ABCC1: variants seen among roughly 807,000 people sequenced by gnomAD.
ABCC1 encodes the protein multidrug resistance-associated protein 1.
Under a neutral mutation model 172.9 loss-of-function variants are expected in ABCC1, and 83 were observed. That is an observed-to-expected ratio of 0.48 (90% CI 0.40 to 0.58). The LOEUF is 0.58. Ranked by LOEUF, ABCC1 falls within the 20% of genes least tolerant of loss-of-function variation. The pLI, the probability that ABCC1 is intolerant of heterozygous loss-of-function variation, is 0.00. For synonymous variants in ABCC1, 937 were observed against 825.2 expected (o/e 1.14, Z -2.32); for missense variants, 1,817 against 2,002.7 (o/e 0.91, Z 1.77).
chr16:15,983,546 AC>A (rs941126297), intron 1 of ABCC1, among the ~76,000 whole-genome samples: 2 of 123,892 alleles, frequency 1.6e-5, no homozygotes, highest in Admixed American at 9.2e-5. Flanking sequence ...CTAATGGTAC[AC>A]CACACTTTTT....
chr16:16,136,796 A>G lies in ABCC1; in HGVS notation c.4292+152A>G, dbSNP rs2045933319. On this transcript the variant is annotated intron_variant, in intron 29 of 30. Transcript: ENST00000399410. ...CACCTCTTGGAGCCTCAGTTTCTGT[A>G]TCTGTAAAACGGGTCTCAATCCAGG... 7.5e-6 allele frequency: 7 copies of G among 933,894 alleles called. No individual in the cohort carries two copies. In the South Asian group the frequency reaches 1.1e-4, roughly 14 times the overall value. The allele number at this position is 933,894 out of a possible 1,614,324, so 57.9% of individuals were successfully genotyped here.
intron 1 of ABCC1, among the ~76,000 whole-genome samples, chr16:15,994,287 G>A (rs1483487254): frequency 6.6e-6 from 1 of 152,118 alleles, no homozygotes; most frequent in African/African-American, 2.4e-5. Flanking sequence ...TTTAGAGGTG[G>A]TGGATCTCAG....
chr16:16,098,965 CTG>C, intron 19 of ABCC1: 1 of 1,308,646 alleles, frequency 7.6e-7, no homozygotes, highest in Non-Finnish European at 1.0e-6. Flanking sequence ...CGGGCCGAGA[CTG>C]TCGCTGCATG....
chr16:16,014,689 C>T (rs989285380), intron 4 of ABCC1, 61 bp downstream of exon 4: 2 of 1,594,340 alleles, frequency 1.3e-6, no homozygotes, highest in Admixed American at 3.4e-5. Flanking sequence ...GATGCTGGGT[C>T]CCTCTGGCTT....
chr16:16,139,633 AAG>A (rs71137918), intron 30 of ABCC1, among the ~76,000 whole-genome samples: 1 of 151,590 alleles, frequency 6.6e-6, no homozygotes, highest in East Asian at 1.9e-4. Flanking sequence ...AAAAAAAAAA[AAG>A]AATATAATCC....
chr16:16,046,020 G>GGC lies in ABCC1; in HGVS notation c.1218+7_1218+8insGC, dbSNP rs2049193635. 1 of 1,613,726 alleles carries GGC rather than the reference G, an allele frequency of 6.2e-7. No individual in the cohort carries two copies. ...TGGGGCTGTCTATCGGAAGGTAGGG[G>GGC]ACGCTGTGCCATTGGCATGTGGCCC... On this transcript the variant is annotated splice_region_variant and intron_variant, in intron 9 of 30. Transcript: ENST00000399410.
At chr16:16,106,268 C>T (rs551411611) in intron 20 of ABCC1, among the ~76,000 whole-genome samples, 31 of 152,156 alleles carry the variant, frequency 2.0e-4, no homozygotes, top group African/African-American at 7.2e-4. Context: ...ACAAGAAAAT[C>T]GAACTAGCTG....
intron 11 of ABCC1, among the ~76,000 whole-genome samples, chr16:16,054,651 C>G (rs1398665307): frequency 6.6e-6 from 1 of 152,198 alleles, no homozygotes; most frequent in South Asian, 2.1e-4. Context: ...ACCCTTCAGT[C>G]TCTTGATGTG....
At chr16:16,053,100 G>A (rs1222793867) in intron 11 of ABCC1, among the ~76,000 whole-genome samples, 4 of 152,260 alleles carry the variant, frequency 2.6e-5, no homozygotes, top group East Asian at 1.9e-4. Flanking sequence ...GTTAGACCTT[G>A]TAGGCCGGTG....
intron 26 of ABCC1, among the ~76,000 whole-genome samples, chr16:16,130,676 C>T (rs952113400): frequency 6.6e-6 from 1 of 152,188 alleles, no homozygotes; most frequent in African/African-American, 2.4e-5. Flanking sequence ...TTACCTTATC[C>T]AGCCTAATGA....
intron 1 of ABCC1, among the ~76,000 whole-genome samples, chr16:15,980,056 TATAAA>T (rs954419456): frequency 4.0e-4 from 61 of 152,142 alleles, no homozygotes; most frequent in African/African-American, 1.3e-3. Flanking sequence ...AAAAATAACA[TATAAA>T]ATAAACATCT....
intron 16 of ABCC1, among the ~76,000 whole-genome samples, chr16:16,080,117 A>C (rs544599011): frequency 6.6e-6 from 1 of 152,166 alleles, no homozygotes; most frequent in Admixed American, 6.5e-5. Flanking sequence ...TTGGCCACTT[A>C]AGAAATACTT....
intron 11 of ABCC1, among the ~76,000 whole-genome samples, chr16:16,055,776 C>T (rs1185150466): frequency 1.3e-5 from 2 of 149,936 alleles, no homozygotes; most frequent in Non-Finnish European, 3.0e-5. Context: ...TTGGTGTGGT[C>T]TTGGGGCTCA....
At chr16:16,022,422 T>G (rs1170468856) in intron 5 of ABCC1, among the ~76,000 whole-genome samples, 1 of 152,122 alleles carries the variant, frequency 6.6e-6, no homozygotes, top group Non-Finnish European at 1.5e-5. Flanking sequence ...TCATTGGCAC[T>G]GAGTCTGTGG....
At chr16:16,131,295 G>A (rs1168053924) in intron 26 of ABCC1, among the ~76,000 whole-genome samples, 1 of 152,188 alleles carries the variant, frequency 6.6e-6, no homozygotes, top group African/African-American at 2.4e-5. Flanking sequence ...CCTACTGAGG[G>A]ATGATCATGT....
At chr16:16,063,242 G>A (rs2049986212) in intron 12 of ABCC1, among the ~76,000 whole-genome samples, 1 of 152,170 alleles carries the variant, frequency 6.6e-6, no homozygotes, top group Non-Finnish European at 1.5e-5. Context: ...GAAGAGCTGG[G>A]ATTACAGGTG....
chr16:15,999,758 G>C, intron 1 of ABCC1, among the ~76,000 whole-genome samples: 1 of 68,808 alleles, frequency 1.5e-5, no homozygotes, highest in Non-Finnish European at 3.0e-5. Flanking sequence ...GAGCCTCTGT[G>C]CCCGGCCTCT....
chr16:16,104,321 G>C (rs1229811305), intron 20 of ABCC1, among the ~76,000 whole-genome samples: 1 of 152,134 alleles, frequency 6.6e-6, no homozygotes, highest in Non-Finnish European at 1.5e-5. Context: ...GAGCCGATTG[G>C]TCTGTTTTTA....
At chr16:16,070,449 G>T (rs1157664708) in intron 13 of ABCC1, among the ~76,000 whole-genome samples, 1 of 152,184 alleles carries the variant, frequency 6.6e-6, no homozygotes, top group Non-Finnish European at 1.5e-5. Context: ...CGGATCATGA[G>T]GTCAGGAGAT....
Sources: gnomAD v4.1 joint callset for allele counts (sites outside exome capture counted in the v4.1 genomes callset) on GRCh38, gnomAD v4.1.1 for gene constraint, MANE v1.5 for transcripts, NCBI Gene and HGNC (gene_info 2026-07-23, HGNC 2026-07-21) for gene names.